Variants in CHST8 observed in about 807,000 individuals in gnomAD.
CHST8 encodes GALNAC-4-ST1.
A neutral mutation model predicts 15.0 loss-of-function variants in CHST8; 10 were observed. That is an observed-to-expected ratio of 0.67 (90% CI 0.41 to 1.13). The LOEUF is 1.13. Among genes scored for constraint, CHST8 ranks in the 50% most tolerant of loss-of-function variants. CHST8 has a pLI of 0.00. For synonymous variants in CHST8, 259 were observed against 256.6 expected, an observed-to-expected ratio of 1.01 and a Z score of -0.09; for missense variants, 634 against 608.2, an observed-to-expected ratio of 1.04 and a Z score of -0.45.
At chr19:33,640,557 G>T (rs908609428) in intron 1 of CHST8, among the ~76,000 whole-genome samples, 4 of 152,134 alleles carry the variant, frequency 2.6e-5, no homozygotes, top group African/African-American at 9.7e-5. Flanking sequence ...AGCTTTCTAA[G>T]GAATATATTA....
intron 3 of CHST8, among the ~76,000 whole-genome samples, chr19:33,728,066 C>T (rs62103470): frequency 0.076 from 11,587 of 152,326 alleles, 1,049 homozygotes; most frequent in East Asian, 0.47. Flanking sequence ...CATGGCCACA[C>T]CTGTGGCTGT....
intron 3 of CHST8, among the ~76,000 whole-genome samples, chr19:33,756,827 G>A (rs1012122940): frequency 7.9e-5 from 12 of 152,148 alleles, no homozygotes; most frequent in African/African-American, 2.9e-4. Context: ...CAACCCTCAG[G>A]AGTCTCTCCG....
intron 1 of CHST8, among the ~76,000 whole-genome samples, chr19:33,622,690 G>C (rs1972000727): frequency 6.6e-6 from 1 of 152,108 alleles, no homozygotes; most frequent in South Asian, 2.1e-4. Context: ...GGAGCGCTCG[G>C]GGCGCTGGGG....
chr19:33,765,603 C>T (rs1018313909), intron 3 of CHST8, among the ~76,000 whole-genome samples: 1 of 149,164 alleles, frequency 6.7e-6, no homozygotes, highest in Non-Finnish European at 1.5e-5. Flanking sequence ...TACTCTGTTG[C>T]CAGGTTAGAG....
intron 3 of CHST8, among the ~76,000 whole-genome samples, chr19:33,757,396 AAG>A (rs1437457902): frequency 2.0e-4 from 1 of 4,880 alleles, no homozygotes; most frequent in African/African-American, 5.1e-4. Context: ...AGAAGAAAGA[AAG>A]AAAGAAAGAA....
Position 33,772,942 on chromosome 19 carries a change from C to T in CHST8, c.1154C>T (p.Ala385Val), listed in dbSNP as rs756173608. ...CACTCGCAGGAGGCGCGGACCACAGCGAGGATCGCCCACCAGTACTTCGCC... is the reference window on the plus strand; with the variant it reads ...CACTCGCAGGAGGCGCGGACCACAGTGAGGATCGCCCACCAGTACTTCGCC... ...DRHSQEARTT[A>V]RIAHQYFAQL... Residue 385 changes from alanine to valine, a missense_variant, in exon 5 of 5, where the codon GCG (alanine) becomes GTG (valine). Ala to Val is a moderately conservative substitution (Grantham distance 64). Transcript: ENST00000650847. The T allele has an allele frequency of 1.2e-6, 2 of 1,613,450 alleles. No individual in the cohort carries two copies. The highest frequency in any genetic ancestry group is 1.1e-5 in the South Asian group (1 of 91,090).
intron 1 of CHST8, among the ~76,000 whole-genome samples, chr19:33,660,370 T>G (rs1451810158): frequency 6.6e-6 from 1 of 152,140 alleles, no homozygotes; most frequent in Non-Finnish European, 1.5e-5. Flanking sequence ...AAGGAAAGAA[T>G]GTTTCCAGCC....
intron 3 of CHST8, among the ~76,000 whole-genome samples, chr19:33,698,966 G>A (rs1336567521): frequency 1.3e-5 from 2 of 152,324 alleles, no homozygotes; most frequent in Non-Finnish European, 1.5e-5. Context: ...CTTGCCCTGG[G>A]AGAGGGGCTG....
chr19:33,679,463 C>T (rs1482878007), intron 2 of CHST8, among the ~76,000 whole-genome samples: 1 of 152,184 alleles, frequency 6.6e-6, no homozygotes, highest in Non-Finnish European at 1.5e-5. Context: ...GAGATAATTG[C>T]CAAGAAGTAA....
chr19:33,683,823 AC>A (rs1487759354), intron 2 of CHST8, among the ~76,000 whole-genome samples: 1 of 152,212 alleles, frequency 6.6e-6, no homozygotes, highest in Non-Finnish European at 1.5e-5. Flanking sequence ...AAGGGCTGTC[AC>A]CGCGATGGTG....
intron 3 of CHST8, among the ~76,000 whole-genome samples, chr19:33,743,703 C>T (rs762216555): frequency 5.9e-5 from 9 of 152,134 alleles, no homozygotes; most frequent in Non-Finnish European, 1.2e-4. Flanking sequence ...CTCCTGGGGT[C>T]GTTGCTGCAC....
At chr19:33,666,048 T>C (rs536610874) in intron 1 of CHST8, among the ~76,000 whole-genome samples, 1 of 152,318 alleles carries the variant, frequency 6.6e-6, no homozygotes, top group Admixed American at 6.5e-5. Flanking sequence ...GTGGATCATG[T>C]CTGTGCAGGT....
At chr19:33,756,567 G>A (rs1317515762) in intron 3 of CHST8, among the ~76,000 whole-genome samples, 1 of 152,138 alleles carries the variant, frequency 6.6e-6, no homozygotes, top group African/African-American at 2.4e-5. Flanking sequence ...TATGGGAGGA[G>A]TCCTCCAGAC....
chr19:33,666,764 G>A (rs1972667362), intron 1 of CHST8, among the ~76,000 whole-genome samples: 1 of 152,178 alleles, frequency 6.6e-6, no homozygotes, highest in Non-Finnish European at 1.5e-5. Context: ...GTGCAGTGGT[G>A]TGATCTTGGC....
At chr19:33,664,908 G>A (rs936318624) in intron 1 of CHST8, among the ~76,000 whole-genome samples, 2 of 152,070 alleles carry the variant, frequency 1.3e-5, no homozygotes, top group Non-Finnish European at 2.9e-5. Context: ...TTCCATCCAT[G>A]TTGCTGCAAA....
At chr19:33,650,495 CT>C (rs1972424476) in intron 1 of CHST8, among the ~76,000 whole-genome samples, 2 of 44,102 alleles carry the variant, frequency 4.5e-5, no homozygotes, top group South Asian at 1.4e-3. Context: ...TTTTTCTTTT[CT>C]TTTTCTTTTT....
At chr19:33,670,978 C>A (rs1972729391) in intron 2 of CHST8, among the ~76,000 whole-genome samples, 1 of 152,160 alleles carries the variant, frequency 6.6e-6, no homozygotes, top group Non-Finnish European at 1.5e-5. Context: ...AGTGGAGGAG[C>A]CAGAGTCTGG....
intron 3 of CHST8, among the ~76,000 whole-genome samples, chr19:33,745,662 C>G (rs550221352): frequency 6.6e-6 from 1 of 152,192 alleles, no homozygotes; most frequent in East Asian, 1.9e-4. Flanking sequence ...GTGAGGGCAC[C>G]GGGTGGGGAT....
intron 3 of CHST8, among the ~76,000 whole-genome samples, chr19:33,730,092 G>T (rs1973967699): frequency 6.6e-6 from 1 of 152,210 alleles, no homozygotes; most frequent in Non-Finnish European, 1.5e-5. Context: ...CTGGGGGTGT[G>T]CATCGTCAAG....
Sources: gnomAD v4.1 joint callset for allele counts (sites outside exome capture counted in the v4.1 genomes callset) on GRCh38, gnomAD v4.1.1 for gene constraint, MANE v1.5 for transcripts, NCBI Gene and HGNC (gene_info 2026-07-23, HGNC 2026-07-21) for gene names.